Variants in FARS2 observed in about 807,000 individuals in gnomAD.
FARS2 encodes phenylalanine--tRNA ligase, mitochondrial.
FARS2 carries 40 observed loss-of-function variants against 46.4 expected under a neutral mutation model. That is an observed-to-expected ratio of 0.86 (90% CI 0.67 to 1.12). The LOEUF (loss-of-function observed/expected upper bound fraction) is 1.12. Ranked by LOEUF, FARS2 falls within the 50% of genes most tolerant of loss-of-function variation. The pLI is 0.00. For synonymous variants in FARS2, 234 were observed against 214.9 expected (o/e 1.09, Z -0.78); for missense variants, 513 against 567.9 (o/e 0.90, Z 0.98).
At chr6:5,587,169 A>T (rs1412220886) in intron 5 of FARS2, among the ~76,000 whole-genome samples, 1 of 152,220 alleles carries the variant, frequency 6.6e-6, no homozygotes, top group African/African-American at 2.4e-5. Context: ...TTCTTCATCT[A>T]TAAAATGGAA....
intron 1 of FARS2, among the ~76,000 whole-genome samples, chr6:5,303,898 A>G (rs529239861): frequency 6.7e-6 from 1 of 149,850 alleles, no homozygotes; most frequent in East Asian, 1.9e-4. Flanking sequence ...ATTTTTTGGC[A>G]ATCATTGACC....
Position 5,404,680 on chromosome 6 carries a change from A to G in FARS2, c.751A>G (p.Met251Val), listed in dbSNP as rs753691420. Residue 251 changes from methionine (M) to valine (V), a missense_variant, in exon 3 of 7, where the codon ATG becomes GTG. Physicochemically the swap from Met to Val is conservative, Grantham distance 21. Coordinates refer to ENST00000274680, the MANE Select transcript of FARS2 (RefSeq NM_006567.5). Reference protein sequence around the residue: ...FDLKQTLTRLMAHLFGDELEI... With the variant: ...FDLKQTLTRLVAHLFGDELEI... ...TCTTAAGCAAACGCTTACCAGGCTC[A>G]TGGCACATCTTTTTGGAGATGGTAA... 2.5e-6 allele frequency: 4 copies of G among 1,598,744 alleles called. No homozygotes were observed. The highest frequency in any genetic ancestry group is 1.3e-5 in the African/African-American group (1 of 74,420).
At chr6:5,546,661 TA>T (rs1333711280) in intron 5 of FARS2, among the ~76,000 whole-genome samples, 2 of 152,096 alleles carry the variant, frequency 1.3e-5, no homozygotes, top group African/African-American at 2.4e-5. Context: ...AAGGTTTTTT[TA>T]ATTAACGATT....
intron 6 of FARS2, among the ~76,000 whole-genome samples, chr6:5,698,579 G>T (rs968367627): frequency 5.9e-5 from 9 of 152,130 alleles, no homozygotes; most frequent in African/African-American, 2.2e-4. Flanking sequence ...AGTGGTCCTG[G>T]AGGTTAGGTG....
chr6:5,429,465 A>C (rs1763037234), intron 3 of FARS2, among the ~76,000 whole-genome samples: 1 of 152,172 alleles, frequency 6.6e-6, no homozygotes, highest in Non-Finnish European at 1.5e-5. Context: ...TTTGACTCTC[A>C]AAATATCTTT....
chr6:5,303,748 G>A (rs146970678), intron 1 of FARS2, among the ~76,000 whole-genome samples: 1 of 152,090 alleles, frequency 6.6e-6, no homozygotes, highest in East Asian at 1.9e-4. Flanking sequence ...CCAAATGATT[G>A]TACAGCCCCA....
chr6:5,491,547 C>T (rs968914636), intron 4 of FARS2, among the ~76,000 whole-genome samples: 3 of 152,188 alleles, frequency 2.0e-5, no homozygotes, highest in South Asian at 2.1e-4. Context: ...TATCATTAAT[C>T]ACTTCCCTGT....
chr6:5,520,898 G>T (rs1232950524), intron 4 of FARS2, among the ~76,000 whole-genome samples: 1 of 152,122 alleles, frequency 6.6e-6, no homozygotes, highest in Non-Finnish European at 1.5e-5. Context: ...TGTCCTGTTG[G>T]ATTTCAATTG....
At chr6:5,685,878 T>A (rs970827129) in intron 6 of FARS2, among the ~76,000 whole-genome samples, 1 of 152,166 alleles carries the variant, frequency 6.6e-6, no homozygotes, top group African/African-American at 2.4e-5. Flanking sequence ...CTCCTTGTAT[T>A]AGCAAAAATG....
chr6:5,532,522 C>G (rs559182848), intron 4 of FARS2, among the ~76,000 whole-genome samples: 2 of 152,136 alleles, frequency 1.3e-5, no homozygotes, highest in Non-Finnish European at 2.9e-5. Flanking sequence ...GAGGCCGAGG[C>G]GGGTGGATCA....
intron 6 of FARS2, among the ~76,000 whole-genome samples, chr6:5,632,206 G>A (rs1437193733): frequency 6.6e-6 from 1 of 152,072 alleles, no homozygotes. Flanking sequence ...ATTCATAGCA[G>A]ATTATAGGAG....
At chr6:5,510,665 G>A (rs892405478) in intron 4 of FARS2, among the ~76,000 whole-genome samples, 18 of 152,190 alleles carry the variant, frequency 1.2e-4, no homozygotes, top group Non-Finnish European at 2.4e-4. Context: ...ACCAGCGCTG[G>A]CCGCGTGAGA....
intron 1 of FARS2, among the ~76,000 whole-genome samples, chr6:5,327,564 C>T (rs1770487614): frequency 6.6e-6 from 1 of 152,158 alleles, no homozygotes; most frequent in African/African-American, 2.4e-5. Flanking sequence ...TGCCTGCCAC[C>T]ATGTAAGATA....
At chr6:5,565,596 A>G (rs1382036103) in intron 5 of FARS2, among the ~76,000 whole-genome samples, 1 of 152,218 alleles carries the variant, frequency 6.6e-6, no homozygotes, top group Non-Finnish European at 1.5e-5. Flanking sequence ...TATGATTGAT[A>G]GCATATACTT....
At chr6:5,717,927 T>TAGAG (rs1410102835) in intron 6 of FARS2, among the ~76,000 whole-genome samples, 1 of 74,226 alleles carries the variant, frequency 1.3e-5, no homozygotes, top group African/African-American at 1.1e-4. Flanking sequence ...TATATATATA[T>TAGAG]ATATATATAC....
chr6:5,765,733 T>C lies in FARS2; in HGVS notation c.1218-5558T>C, dbSNP rs1242450706. Among the ~76,000 whole-genome samples the C allele has an allele frequency of 6.6e-6, 1 of 152,046 alleles. No individual in the cohort carries two copies. The highest frequency in any genetic ancestry group is 1.5e-5 in the Non-Finnish European group (1 of 68,004). Reference sequence around the variant, plus strand: ...CTGTCATGGGCGTACTAGGGAACAGTCCTTTGCTCAGCCGGCTCCTGGGTT... The same window carrying C: ...CTGTCATGGGCGTACTAGGGAACAGCCCTTTGCTCAGCCGGCTCCTGGGTT... On this transcript the variant is annotated intron_variant, in intron 6 of 6. Coordinates refer to ENST00000274680, the MANE Select transcript of FARS2 (RefSeq NM_006567.5). This position sits in a 1 kb window ranked among gnomAD's most constrained non-coding sequence, Gnocchi z 4.0.
At chr6:5,601,422 C>A (rs1271297678) in intron 5 of FARS2, among the ~76,000 whole-genome samples, 1 of 150,250 alleles carries the variant, frequency 6.7e-6, no homozygotes, top group Non-Finnish European at 1.5e-5. Context: ...TACTCAGGAG[C>A]CTGAGGCAGG....
intron 1 of FARS2, among the ~76,000 whole-genome samples, chr6:5,355,451 G>C (rs1757857377): frequency 6.7e-6 from 1 of 150,354 alleles, no homozygotes; most frequent in African/African-American, 2.4e-5. Flanking sequence ...CTGCCTGCTG[G>C]GTTCAAGCAG....
intron 4 of FARS2, among the ~76,000 whole-genome samples, chr6:5,480,219 G>A (rs931935597): frequency 2.6e-5 from 4 of 152,200 alleles, no homozygotes; most frequent in African/African-American, 4.8e-5. Context: ...AAACGGATGC[G>A]CCAGAAATAA....
Sources: gnomAD v4.1 joint callset for allele counts (sites outside exome capture counted in the v4.1 genomes callset) on GRCh38, gnomAD v4.1.1 for gene constraint, Gnocchi (gnomAD v3.1) non-coding constraint, MANE v1.5 for transcripts, NCBI Gene and HGNC (gene_info 2026-07-23, HGNC 2026-07-21) for gene names.